GATB: variants seen among roughly 807,000 people sequenced by gnomAD.
The protein encoded by GATB is glutamyl-tRNA(Gln) amidotransferase subunit B, mitochondrial.
In GATB, 39 loss-of-function variants were observed where a neutral mutation model predicts 62.3. The ratio of observed to expected loss-of-function variants is 0.63; its 90% CI spans 0.48 to 0.82. The LOEUF (loss-of-function observed/expected upper bound fraction) is 0.82. GATB is among the 40% of genes least tolerant of loss of function. GATB has a pLI of 0.00. For synonymous variants in GATB, 276 were observed against 258.9 expected (o/e 1.07, Z -0.63); for missense variants, 670 against 684.0 (o/e 0.98, Z 0.23).
intron 2 of GATB, among the ~76,000 whole-genome samples, chr4:151,733,469 G>T (rs770993594): frequency 1.3e-5 from 2 of 152,086 alleles, no homozygotes; most frequent in African/African-American, 4.8e-5. Context: ...AGATTAAAAC[G>T]GTAATTTAAC....
intron 5 of GATB, among the ~76,000 whole-genome samples, chr4:151,714,523 A>T (rs560377812): frequency 6.6e-6 from 1 of 152,384 alleles, no homozygotes; most frequent in East Asian, 1.9e-4. Context: ...TATTTAAAAG[A>T]AACAAAAAGT....
intron 1 of GATB, among the ~76,000 whole-genome samples, chr4:151,759,912 C>T (rs1056159222): frequency 6.6e-6 from 1 of 152,054 alleles, no homozygotes; most frequent in East Asian, 1.9e-4. Context: ...GGAAACACAG[C>T]CCATAAGGGA....
Position 151,713,726 on chromosome 4 carries a change from T to G in GATB, c.763+2283A>C, listed in dbSNP as rs369352801. Among the ~76,000 whole-genome samples the G allele has an allele frequency of 1.4e-4, 22 of 152,300 alleles. 1 individual carries two copies. The highest frequency in any genetic ancestry group is 9.8e-4 in the Admixed American group (15 of 15,300). On this transcript the variant is annotated intron_variant, in intron 5 of 12. Coordinates refer to ENST00000263985, the MANE Select transcript of GATB (RefSeq NM_004564.3). ...CCCTTGGCACCCCACCTTGCTATCC[T>G]GCCTCTCTTAAGTCAGCATCTGTGA...
In GATB at chr4:151,697,953, GTATATATATATA is replaced by G. The variant is rs56231389; in HGVS notation, c.1197+3364_1197+3375del. On this transcript the variant is annotated intron_variant, in intron 9 of 12. Transcript: ENST00000263985. ...TTCATATATATGTGTGTGTGTGTGT[GTATATATATATA>G]TATATATATATATATATATATATAT... 8.6e-4 allele frequency among the ~76,000 whole-genome samples: 35 copies of G among 40,546 alleles called. 1 individual carries two copies. The highest frequency in any genetic ancestry group is 1.8e-3 in the East Asian group (2 of 1,132). 26.6% of individuals were successfully genotyped at this position (40,546 alleles called of 152,430 possible). A position where few individuals can be genotyped will look rare whatever the true frequency, so the allele number is the denominator to read the frequency against.
rs1190646725 is a variant in GATB, at chr4:151,675,313, AG to A, written c.1411-2418del. 7.9e-5 allele frequency: 12 copies of A among 152,366 alleles called. No homozygotes were observed. The East Asian group carries it at 1.7e-3, about 22-fold the overall frequency. The allele number at this position is 152,366 out of a possible 1,614,324, so 9.4% of individuals were successfully genotyped here. ...TGGCTGAAATGTCCTTTCCTCCCAG[AG>A]TTAGAATACATAATGTTAGTTAACT... On this transcript the variant is annotated intron_variant, in intron 11 of 12. Coordinates refer to ENST00000263985, the MANE Select transcript of GATB (RefSeq NM_004564.3).
At chr4:151,684,851 A>G (rs1350830455) in intron 10 of GATB, among the ~76,000 whole-genome samples, 1 of 152,204 alleles carries the variant, frequency 6.6e-6, no homozygotes, top group African/African-American at 2.4e-5. Flanking sequence ...GGTAAATACC[A>G]GGGGCTCCAG....
chr4:151,759,158 G>A (rs1039425568), intron 1 of GATB, among the ~76,000 whole-genome samples: 6 of 152,190 alleles, frequency 3.9e-5, no homozygotes, highest in Admixed American at 1.3e-4. Flanking sequence ...GCATCAGGAG[G>A]CTGATGATAT....
chr4:151,760,766 A>G lies in GATB; in HGVS notation c.176+41T>C, dbSNP rs571894797. The G allele has an allele frequency of 2.6e-6, 4 of 1,519,388 alleles. No homozygotes were observed. In the South Asian group the frequency reaches 5.2e-5, roughly 20 times the overall value. 94.1% of individuals were successfully genotyped at this position (1,519,388 alleles called of 1,614,324 possible). A position where few individuals can be genotyped will look rare whatever the true frequency, so the allele number is the denominator to read the frequency against. On this transcript the variant is annotated intron_variant, in intron 1 of 12. Transcript: ENST00000263985. Reference sequence around the variant, plus strand: ...ATTATTTCCCCAGTCCTGCAGTTCCACCTCACAGTTAGGTGGGCAGAAATG... The same window carrying G: ...ATTATTTCCCCAGTCCTGCAGTTCCGCCTCACAGTTAGGTGGGCAGAAATG...
At position 151,679,898 on chromosome 4, in the gene GATB, G is replaced by A. The variant is rs953824884; in HGVS notation, c.1332-7C>T. On this transcript the variant is annotated splice_polypyrimidine_tract_variant and splice_region_variant and intron_variant, in intron 10 of 12. Coordinates refer to ENST00000263985, the MANE Select transcript of GATB (RefSeq NM_004564.3). ...TGCAGAGGGTGTGACAGGACTGGTG[G>A]CCCCCAAAAGAGAAAACACATTTAC... 29 of 1,613,630 alleles carry A rather than the reference G, an allele frequency of 1.8e-5. No individual in the cohort carries two copies. The highest frequency in any genetic ancestry group is 2.7e-5 in the African/African-American group (2 of 74,886).
chr4:151,680,621 T>C (rs1010309930), intron 10 of GATB, among the ~76,000 whole-genome samples: 1 of 152,248 alleles, frequency 6.6e-6, no homozygotes, highest in Non-Finnish European at 1.5e-5. Context: ...GCCTAAATTA[T>C]GGAAAAGACA....
At chr4:151,758,535 T>C (rs116605454) in intron 2 of GATB, among the ~76,000 whole-genome samples, 41 of 152,336 alleles carry the variant, frequency 2.7e-4, no homozygotes, top group African/African-American at 7.7e-4. Flanking sequence ...CTGGTATTAG[T>C]AGACATGCTA....
chr4:151,696,884 A>G (rs900386501), intron 9 of GATB, among the ~76,000 whole-genome samples: 1 of 152,262 alleles, frequency 6.6e-6, no homozygotes, highest in African/African-American at 2.4e-5. Context: ...CTACTGATAT[A>G]CTGACTCAGA....
At chr4:151,679,564 C>T (rs1026267639) in intron 11 of GATB, among the ~76,000 whole-genome samples, 2 of 152,182 alleles carry the variant, frequency 1.3e-5, no homozygotes, top group African/African-American at 2.4e-5. Context: ...CGGAGATGTT[C>T]AGGGCAAGAC....
rs779876722 is a variant in GATB at position 151,711,618 on chromosome 4, T to C, written c.764-3517A>G. Among the ~76,000 whole-genome samples, 5 of 152,230 alleles carry C rather than the reference T, an allele frequency of 3.3e-5. No homozygotes were observed. The East Asian group carries it at 5.8e-4, about 18-fold the overall frequency. On this transcript the variant is annotated intron_variant, in intron 5 of 12. Coordinates refer to ENST00000263985, the MANE Select transcript of GATB (RefSeq NM_004564.3). ...CTCTGAGGGCCTTTAAAAAACAACA[T>C]TGTCACTTTCCAATGTTACTCTGTA...
At position 151,670,910 on chromosome 4, in the gene GATB, C is replaced by T. The variant is rs1737842337; in HGVS notation, c.*264G>A. The T allele has an allele frequency of 7.5e-6, 3 of 402,514 alleles. No individual in the cohort carries two copies. Among genetic ancestry groups the T allele is most frequent in the Non-Finnish European group, 1.3e-5 (3 of 224,106 alleles). The allele number at this position is 402,514 out of a possible 1,614,324, so 24.9% of individuals were successfully genotyped here. On this transcript the variant is annotated 3_prime_UTR_variant, in exon 13 of 13. Coordinates refer to ENST00000263985, the MANE Select transcript of GATB (RefSeq NM_004564.3). ...AATTCCTTAATACAAGAAGGTGTTA[C>T]TCCTTAACCACTGCTGCAGCCTCAC...
intron 2 of GATB, chr4:151,720,036 A>G (rs1738996632): frequency 6.5e-6 from 1 of 152,732 alleles, no homozygotes; most frequent in African/African-American, 2.4e-5. Flanking sequence ...GAAATGTGGC[A>G]CAGCTGTTGC....
At chr4:151,713,221 G>T (rs1738852917) in intron 5 of GATB, among the ~76,000 whole-genome samples, 1 of 152,090 alleles carries the variant, frequency 6.6e-6, no homozygotes. Context: ...CTACATTACA[G>T]TGAGTTGTAT....
rs1738103482 is a variant in GATB, at chr4:151,680,001, C to T, written c.1332-110G>A. ...CTCTAGTGGGGGTAAATATCGGACC[C>T]ACGCCTAGGGATGAAAACAGCAGGC... On this transcript the variant is annotated intron_variant, in intron 10 of 12. Coordinates refer to ENST00000263985, the MANE Select transcript of GATB (RefSeq NM_004564.3). The T allele has an allele frequency of 3.5e-6, 3 of 864,624 alleles. No individual in the cohort carries two copies. In the South Asian group the frequency reaches 4.3e-5, roughly 12 times the overall value. 53.6% of individuals were successfully genotyped at this position (864,624 alleles called of 1,614,324 possible).
rs370519067 is a variant in GATB at position 151,705,203 on chromosome 4, G to A, written c.944C>T (p.Ser315Leu). The A allele has an allele frequency of 3.7e-6, 6 of 1,612,670 alleles. No homozygotes were observed. Among genetic ancestry groups the A allele is most frequent in the Non-Finnish European group, 5.1e-6 (6 of 1,178,920 alleles). The change falls in exon 7 of 13, where the codon TCA (serine) becomes TTA (leucine). Residue 315 changes from serine to leucine, a missense_variant. Ser to Leu is a moderately radical substitution (Grantham distance 145). Coordinates refer to ENST00000263985, the MANE Select transcript of GATB (RefSeq NM_004564.3). ...NGGEILNETRSFHHKLGCTMS... is the reference protein window; with the variant it reads ...NGGEILNETRLFHHKLGCTMS... Reference sequence around the variant, plus strand: ...AACTCACCCCAGCTTGTGATGAAATGAGCGTGTTTCGTTCAGAATTTCACC... The same window carrying A: ...AACTCACCCCAGCTTGTGATGAAATAAGCGTGTTTCGTTCAGAATTTCACC...
Sources: gnomAD v4.1 joint callset for allele counts (sites outside exome capture counted in the v4.1 genomes callset) on GRCh38, gnomAD v4.1.1 for gene constraint, MANE v1.5 for transcripts, NCBI Gene and HGNC (gene_info 2026-07-23, HGNC 2026-07-21) for gene names.